Variants in ADAM10 observed in about 807,000 individuals in gnomAD.
ADAM10 encodes ADAM metallopeptidase domain 10.
ADAM10 carries 17 observed loss-of-function variants against 90.1 expected under a neutral mutation model. The ratio of observed to expected loss-of-function variants is 0.19; its 90% CI spans 0.13 to 0.28. ADAM10 has a LOEUF of 0.28. Among genes scored for constraint, ADAM10 ranks in the 10% least tolerant of loss-of-function variants. The pLI, the probability that ADAM10 is intolerant of heterozygous loss-of-function variation, is 1.00. For synonymous variants in ADAM10, 310 were observed against 298.6 expected (o/e 1.04, Z -0.40); for missense variants, 610 against 914.3 (o/e 0.67, Z 4.29).
Position 58,647,248 on chromosome 15 carries a change from A to ATTTTTTTTTTTTTTTTTTTTTTTTTTTTT in ADAM10, c.586-1073_586-1045dup, listed in dbSNP as rs67378373. Among the ~76,000 whole-genome samples, 25 of 59,604 alleles carry ATTTTTTTTTTTTTTTTTTTTTTTTTTTTT rather than the reference A, an allele frequency of 4.2e-4. 10 individuals carry two copies. The highest frequency in any genetic ancestry group is 1.1e-3 in the Admixed American group (5 of 4,724). The allele number at this position is 59,604 out of a possible 152,430, so 39.1% of individuals were successfully genotyped here. On this transcript the variant is annotated intron_variant, in intron 5 of 15. Transcript: ENST00000260408. The stretch of plus-strand genomic sequence containing the variant: ...TGGCAGCAAAGAGTAGACACTAAGT[A>ATTTTTTTTTTTTTTTTTTTTTTTTTTTTT]TTTTTTTTTTTTTTTTTTTTTTTTT...
chr15:58,685,588 A>G (rs1176733028), intron 2 of ADAM10, among the ~76,000 whole-genome samples: 2 of 143,154 alleles, frequency 1.4e-5, no homozygotes, highest in African/African-American at 5.1e-5. Flanking sequence ...ATATATGTAT[A>G]TATACATATC....
rs1176004067 is a variant in ADAM10 at position 58,681,299 on chromosome 15, A to AATAACCAAATGTAAGAGTACATTTTG, written c.325+896_325+897insCAAAATGTACTCTTACATTTGGTTAT. Among the ~76,000 whole-genome samples the AATAACCAAATGTAAGAGTACATTTTG allele has an allele frequency of 1.1e-4, 17 of 152,362 alleles. No individual in the cohort carries two copies. The East Asian group carries it at 2.3e-3, about 21-fold the overall frequency. ...ATGAAAAACGCTTCATTTTGGTTAC[A>AATAACCAAATGTAAGAGTACATTTTG]GAATTGTAAGAGTACAAAAAAGCTA... On this transcript the variant is annotated intron_variant, in intron 3 of 15. Transcript: ENST00000260408.
In ADAM10 at chr15:58,676,294, C is replaced by G. The variant is rs1450829785; in HGVS notation, c.484+2830G>C. ...TCTAAGCCTCAGTTTAAGCCTTCAC[C>G]TATAAAGTGGGAATAATAGGTGTGC... is the stretch of plus-strand genomic sequence containing the variant. On this transcript the variant is annotated intron_variant, in intron 4 of 15. Coordinates refer to ENST00000260408, the MANE Select transcript of ADAM10 (RefSeq NM_001110.4). The G allele has an allele frequency of 1.5e-5, 7 of 455,640 alleles. No individual in the cohort carries two copies. The Admixed American group carries it at 1.6e-4, about 11-fold the overall frequency. The allele number at this position is 455,640 out of a possible 1,614,324, so 28.2% of individuals were successfully genotyped here.
chr15:58,651,936 C>T (rs536846680), intron 5 of ADAM10, among the ~76,000 whole-genome samples: 186 of 152,264 alleles, frequency 1.2e-3, no homozygotes, highest in Non-Finnish European at 2.3e-3. Context: ...TGGATAAAAG[C>T]CATTTTTACT....
intron 2 of ADAM10, among the ~76,000 whole-genome samples, chr15:58,699,507 C>T (rs1301104992): frequency 1.3e-5 from 2 of 152,122 alleles, no homozygotes; most frequent in African/African-American, 2.4e-5. Context: ...ATCTGTAATC[C>T]TAGCACTTTG....
intron 14 of ADAM10, among the ~76,000 whole-genome samples, 174 bp from the exon 15 acceptor site, chr15:58,599,898 AT>A (rs1566962652): frequency 1.3e-5 from 2 of 152,092 alleles, no homozygotes; most frequent in African/African-American, 4.8e-5. Flanking sequence ...TTATTTAAAT[AT>A]AAAAAAAAGT....
At chr15:58,688,766 T>TTATATATATA (rs780219725) in intron 2 of ADAM10, among the ~76,000 whole-genome samples, 65 of 121,830 alleles carry the variant, frequency 5.3e-4, no homozygotes, top group East Asian at 3.1e-3. Context: ...AAAAAAAAAA[T>TTATATATATA]TATATATATA....
At chr15:58,733,027 T>A (rs1899308330) in intron 1 of ADAM10, 1 of 152,266 alleles carries the variant, frequency 6.6e-6, no homozygotes, top group South Asian at 2.1e-4. Context: ...GCTTGGCACA[T>A]GAAAGTTCAC....
chr15:58,689,573 T>G (rs546417333), intron 2 of ADAM10, among the ~76,000 whole-genome samples: 171 of 152,192 alleles, frequency 1.1e-3, no homozygotes, highest in African/African-American at 3.9e-3. Context: ...CAATCCAAAT[T>G]CTACAGCCAA....
chr15:58,737,387 C>A (rs1271894114), intron 1 of ADAM10, among the ~76,000 whole-genome samples: 1 of 152,100 alleles, frequency 6.6e-6, no homozygotes, highest in African/African-American at 2.4e-5. Context: ...AAGAACCTGA[C>A]TGACTAAAAG....
At chr15:58,714,845 G>A (rs886978211) in intron 2 of ADAM10, among the ~76,000 whole-genome samples, 11 of 152,098 alleles carry the variant, frequency 7.2e-5, no homozygotes, top group East Asian at 3.9e-4. Context: ...TTTGTTAGAC[G>A]ATAGAAGAGG....
At chr15:58,647,324 G>C (rs924822793) in intron 5 of ADAM10, among the ~76,000 whole-genome samples, 1 of 131,004 alleles carries the variant, frequency 7.6e-6, no homozygotes, top group Middle Eastern at 4.2e-3. Context: ...GCAGTGGCAC[G>C]ATCTTGGCTC....
At chr15:58,681,125 T>C (rs1897429557) in intron 3 of ADAM10, among the ~76,000 whole-genome samples, 1 of 152,222 alleles carries the variant, frequency 6.6e-6, no homozygotes, top group Non-Finnish European at 1.5e-5. Flanking sequence ...AATAACATGA[T>C]TTTTATCTGC....
intron 14 of ADAM10, among the ~76,000 whole-genome samples, chr15:58,603,487 C>T (rs781253190): frequency 3.9e-5 from 6 of 152,176 alleles, no homozygotes; most frequent in Non-Finnish European, 8.8e-5. Context: ...TTCCTACTAG[C>T]TTTCTCACGA....
rs775827671 is a variant in ADAM10 at position 58,591,991 on chromosome 15, C to T, written c.*5556G>A. 4.6e-5 allele frequency: 7 copies of T among 152,266 alleles called. No individual in the cohort carries two copies. Among genetic ancestry groups the T allele is most frequent in the African/African-American group, 1.2e-4 (5 of 41,532 alleles). The allele number at this position is 152,266 out of a possible 1,614,324, so 9.4% of individuals were successfully genotyped here. A position where few individuals can be genotyped will look rare whatever the true frequency, so the allele number is the denominator to read the frequency against. ...ATCGTTGTCTTTTCTCTTTGCATTTCTGTTGTTGAAGCAGGACCATATGTC... is the reference window on the plus strand; with the variant it reads ...ATCGTTGTCTTTTCTCTTTGCATTTTTGTTGTTGAAGCAGGACCATATGTC... On this transcript the variant is annotated 3_prime_UTR_variant, in exon 16 of 16. Transcript: ENST00000260408.
chr15:58,637,957 T>C (rs190233680), intron 8 of ADAM10, among the ~76,000 whole-genome samples: 2 of 152,118 alleles, frequency 1.3e-5, no homozygotes, highest in East Asian at 1.9e-4. Flanking sequence ...AAATGTCAAA[T>C]ATGAAACTCA....
chr15:58,599,762 A>C lies in ADAM10; in HGVS notation c.2026-38T>G, dbSNP rs199710983. Reference sequence around the variant, plus strand: ...AGATTTTTCCACTGAAAAAAAAAAAACTACAAAATATTTTAGAGTATCTTT... The same window carrying C: ...AGATTTTTCCACTGAAAAAAAAAAACCTACAAAATATTTTAGAGTATCTTT... On this transcript the variant is annotated intron_variant, in intron 14 of 15. Transcript: ENST00000260408. The C allele has an allele frequency of 8.2e-6, 11 of 1,346,454 alleles. No individual in the cohort carries two copies. Among genetic ancestry groups the C allele is most frequent in the South Asian group, 1.2e-5 (1 of 83,044 alleles). The allele number at this position is 1,346,454 out of a possible 1,614,324, so 83.4% of individuals were successfully genotyped here. A position where few individuals can be genotyped will look rare whatever the true frequency, so the allele number is the denominator to read the frequency against.
At chr15:58,707,730 T>A (rs943415450) in intron 2 of ADAM10, among the ~76,000 whole-genome samples, 1 of 152,184 alleles carries the variant, frequency 6.6e-6, no homozygotes, top group African/African-American at 2.4e-5. Flanking sequence ...ATAAACACTT[T>A]CCAACCTCGC....
At chr15:58,603,761 T>C (rs532866327) in intron 14 of ADAM10, among the ~76,000 whole-genome samples, 33 of 150,756 alleles carry the variant, frequency 2.2e-4, no homozygotes, top group Non-Finnish European at 4.0e-4. Context: ...CACGATAAAG[T>C]ACAGCAAAGT....
Sources: allele counts gnomAD v4.1 joint callset (sites outside exome capture counted in the v4.1 genomes callset), GRCh38; gene constraint gnomAD v4.1.1; transcripts MANE v1.5; gene names NCBI Gene and HGNC (gene_info 2026-07-23, HGNC 2026-07-21).